RCN1: variants seen among roughly 807,000 people sequenced by gnomAD.
RCN1 encodes reticulocalbin 1, also known as reticulocalbin-1.
Under a neutral mutation model 34.7 loss-of-function variants are expected in RCN1, and 14 were observed. The ratio of observed to expected loss-of-function variants is 0.40; its 90% CI spans 0.27 to 0.63. RCN1 has a LOEUF of 0.63. Among genes scored for constraint, RCN1 ranks in the 30% least tolerant of loss-of-function variants. RCN1 has a pLI of 0.37. For missense variants in RCN1, 326 were observed against 425.1 expected, an observed-to-expected ratio of 0.77 and a Z score of 2.05; for synonymous variants, 125 against 165.5, an observed-to-expected ratio of 0.76 and a Z score of 1.88.
At chr11:32,103,581 G>T in intron 5 of RCN1, 101 bp downstream of exon 5, 1 of 1,014,954 alleles carries the variant, frequency 9.9e-7, no homozygotes. Flanking sequence ...ATGTGGCCAT[G>T]TCTTTATTGA....
chr11:32,103,528 A>G, intron 5 of RCN1, 48 bp downstream of exon 5: 1 of 1,548,960 alleles, frequency 6.5e-7, no homozygotes, highest in African/African-American at 1.4e-5. Flanking sequence ...GACAGTTTAC[A>G]TAAGATCGGT....
intron 4 of RCN1, chr11:32,102,739 TGGGTAA>T (rs1232565207): frequency 6.7e-6 from 2 of 298,770 alleles, no homozygotes; most frequent in East Asian, 2.2e-4. Context: ...TGTGGGTCAT[TGGGTAA>T]GACTTTACCT....
chr11:32,095,443 T>C (rs779559796), intron 1 of RCN1, among the ~76,000 whole-genome samples: 15 of 151,930 alleles, frequency 9.9e-5, no homozygotes, highest in Non-Finnish European at 1.6e-4. Context: ...AGTCTTGCCC[T>C]GTCGCCCAGG....
chr11:32,093,182 C>A (rs1202361287), intron 1 of RCN1, among the ~76,000 whole-genome samples: 1 of 152,164 alleles, frequency 6.6e-6, no homozygotes, highest in East Asian at 1.9e-4. Flanking sequence ...TTAATGCCTT[C>A]ATTGTGACAG....
In RCN1 at chr11:32,099,829, T is replaced by C. The variant is rs114992006; in HGVS notation, c.628-719T>C. Among the ~76,000 whole-genome samples the C allele has an allele frequency of 2.3e-3, 343 of 152,298 alleles. 1 individual carries two copies. Among genetic ancestry groups the C allele is most frequent in the African/African-American group, 7.8e-3 (325 of 41,564 alleles). On this transcript the variant is annotated intron_variant, in intron 3 of 5. Transcript: ENST00000054950. ...GACTGGGCAGTGGCTCCAAGAATCA[T>C]TTCTCTTTACCACTCAACATTCATG... is the stretch of plus-strand genomic sequence containing the variant.
Position 32,091,088 on chromosome 11 carries a change from C to A in RCN1, c.-109C>A. 1.6e-6 allele frequency: 2 copies of A among 1,271,320 alleles called. No homozygotes were observed. Among genetic ancestry groups the A allele is most frequent in the Non-Finnish European group, 2.0e-6 (2 of 985,842 alleles). 78.8% of individuals were successfully genotyped at this position (1,271,320 alleles called of 1,614,324 possible). ...AGGGACTGGCCAGTCCCCTCCTCCG[C>A]GCCGGCCCCAACCCTGTCGCTGCCG... is the stretch of plus-strand genomic sequence containing the variant. On this transcript the variant is annotated 5_prime_UTR_variant, in exon 1 of 6. Coordinates refer to ENST00000054950, the MANE Select transcript of RCN1 (RefSeq NM_002901.4).
At chr11:32,097,839 CA>C (rs1469627311) in intron 2 of RCN1, among the ~76,000 whole-genome samples, 1 of 152,096 alleles carries the variant, frequency 6.6e-6, no homozygotes, top group African/African-American at 2.4e-5. Context: ...AGATCCAAGA[CA>C]AACAAGATCG....
intron 1 of RCN1, chr11:32,091,862 G>A (rs916747793): frequency 3.2e-5 from 7 of 215,642 alleles, no homozygotes; most frequent in African/African-American, 1.6e-4. Context: ...CACTCCCGGG[G>A]AGAAGGGCTT....
chr11:32,097,223 C>T lies in RCN1; in HGVS notation c.334C>T (p.Gln112Ter). 6.2e-7 allele frequency: 1 copy of T among 1,606,320 alleles called. No homozygotes were observed. The highest frequency in any genetic ancestry group is 8.5e-7 in the Non-Finnish European group (1 of 1,177,516). ...EELKTWIKRV[Q>*]KRYIFDNVAK... is the part of the protein sequence containing the mutation. ...GCTGAAAACCTGGATCAAACGGGTG[C>T]AGAAAAGATACATCTTTGATAATGT... Residue 112 changes from glutamine to a stop codon, truncating the protein, a stop_gained, in exon 2 of 6, where the codon CAG becomes TAG. Coordinates refer to ENST00000054950, the MANE Select transcript of RCN1 (RefSeq NM_002901.4). LOFTEE classifies it high-confidence loss of function.
chr11:32,103,452 A>G lies in RCN1; in HGVS notation c.860A>G (p.His287Arg), dbSNP rs774546953. Residue 287 changes from histidine (H) to arginine (R), a missense_variant, in exon 5 of 6, where the codon CAT becomes CGT. Physicochemically the swap from His to Arg is conservative, Grantham distance 29 (BLOSUM62 0). Coordinates refer to ENST00000054950, the MANE Select transcript of RCN1 (RefSeq NM_002901.4). The stretch of plus-strand genomic sequence containing the variant: ...GATCATGCACAGGCTGAGGCCAGGC[A>G]TCTGGTATATGAATCAGACAAAAAC... Reference protein sequence around the residue: ...DYDHAQAEARHLVYESDKNKD... With the variant: ...DYDHAQAEARRLVYESDKNKD... The G allele has an allele frequency of 1.4e-5, 23 of 1,613,864 alleles. No individual in the cohort carries two copies. In the Admixed American group the frequency reaches 3.8e-4, roughly 27 times the overall value.
In RCN1 at chr11:32,104,524, T is replaced by G. The variant is rs768714411; in HGVS notation, c.*52T>G. 1.1e-5 allele frequency: 11 copies of G among 985,190 alleles called. No homozygotes were observed. The East Asian group carries it at 2.5e-4, about 23-fold the overall frequency. 61.0% of individuals were successfully genotyped at this position (985,190 alleles called of 1,614,324 possible). On this transcript the variant is annotated 3_prime_UTR_variant, in exon 6 of 6. Transcript: ENST00000054950. ...TGTCATAGGCATTCTGTTATTGTCT[T>G]GGATTGTTGCTACAATTGTCTAATT... is the stretch of plus-strand genomic sequence containing the variant.
chr11:32,103,075 G>A lies in RCN1; in HGVS notation c.689-206G>A, dbSNP rs543428041. On this transcript the variant is annotated intron_variant, in intron 4 of 5. Transcript: ENST00000054950. Reference sequence around the variant, plus strand: ...ATTTATCTTTTGGCTTCTAAACTCAGTTCTTTCTACTCCACCACATGGCCT... The same window carrying A: ...ATTTATCTTTTGGCTTCTAAACTCAATTCTTTCTACTCCACCACATGGCCT... 5.5e-4 allele frequency: 363 copies of A among 662,454 alleles called. 1 individual carries two copies. The highest frequency in any genetic ancestry group is 9.5e-4 in the Non-Finnish European group (339 of 358,516). The allele number at this position is 662,454 out of a possible 1,614,324, so 41.0% of individuals were successfully genotyped here.
At chr11:32,095,688 G>A (rs745512809) in intron 1 of RCN1, among the ~76,000 whole-genome samples, 5 of 152,206 alleles carry the variant, frequency 3.3e-5, no homozygotes, top group East Asian at 3.9e-4. Context: ...GACCACAGGC[G>A]TGAGCCACCA....
At chr11:32,094,802 T>A (rs1851954763) in intron 1 of RCN1, among the ~76,000 whole-genome samples, 1 of 152,206 alleles carries the variant, frequency 6.6e-6, no homozygotes, top group African/African-American at 2.4e-5. Flanking sequence ...ATCACGCAGA[T>A]AATGGGGACC....
intron 1 of RCN1, 68 bp from the exon 2 acceptor site, chr11:32,097,076 C>A: frequency 7.6e-7 from 1 of 1,308,680 alleles, no homozygotes; most frequent in Non-Finnish European, 1.0e-6. Flanking sequence ...CAGCATCACA[C>A]AAGCCTTGAT....
Position 32,091,097 on chromosome 11 carries a change from C to T in RCN1, c.-100C>T. 5.3e-6 allele frequency: 7 copies of T among 1,332,560 alleles called. No homozygotes were observed. The highest frequency in any genetic ancestry group is 6.7e-6 in the Non-Finnish European group (7 of 1,038,416). 82.5% of individuals were successfully genotyped at this position (1,332,560 alleles called of 1,614,324 possible). The stretch of plus-strand genomic sequence containing the variant: ...CCAGTCCCCTCCTCCGCGCCGGCCC[C>T]AACCCTGTCGCTGCCGCCGCGCTCC... On this transcript the variant is annotated 5_prime_UTR_variant, in exon 1 of 6. Transcript: ENST00000054950.
intron 3 of RCN1, among the ~76,000 whole-genome samples, chr11:32,099,140 A>C (rs1741687142): frequency 2.6e-5 from 4 of 152,210 alleles, no homozygotes; most frequent in African/African-American, 9.6e-5. Flanking sequence ...CAATATGTTG[A>C]AATGCTGTCT....
intron 3 of RCN1, 97 bp downstream of exon 3, chr11:32,098,625 G>A: frequency 9.9e-7 from 1 of 1,005,356 alleles, no homozygotes; most frequent in Non-Finnish European, 1.4e-6. Flanking sequence ...TCAGCCTGAA[G>A]GGAATTGGAG....
intron 1 of RCN1, among the ~76,000 whole-genome samples, chr11:32,093,477 G>T (rs192429406): frequency 3.9e-4 from 60 of 152,306 alleles, no homozygotes; most frequent in Middle Eastern, 3.4e-3. Flanking sequence ...TTCAGGAGAA[G>T]GAGCCGCCAA....
Sources: gnomAD v4.1 joint callset for allele counts (sites outside exome capture counted in the v4.1 genomes callset) on GRCh38, gnomAD v4.1.1 for gene constraint, MANE v1.5 for transcripts, NCBI Gene and HGNC (gene_info 2026-07-23, HGNC 2026-07-21) for gene names.